The following GREB1L variants were observed in gnomAD, a reference collection of about 807,000 sequenced individuals.
GREB1L encodes GREB1 like retinoic acid receptor coactivator.
A neutral mutation model predicts 200.8 loss-of-function variants in GREB1L; 17 were observed. The ratio of observed to expected loss-of-function variants is 0.08; its 90% CI spans 0.06 to 0.13. GREB1L has a LOEUF of 0.13. GREB1L is among the 10% of genes least tolerant of loss of function. The probability of loss-of-function intolerance (pLI) is 1.00; values close to 1 mark genes in which losing one functional copy is unlikely to be tolerated. For missense variants in GREB1L, 1,657 were observed against 2,367.7 expected (o/e 0.70, Z 6.23); for synonymous variants, 789 against 893.0 (o/e 0.88, Z 2.08).
chr18:21,455,856 A>G (rs1182216073), intron 15 of GREB1L, among the ~76,000 whole-genome samples: 1 of 144,414 alleles, frequency 6.9e-6, no homozygotes. Context: ...TGCAGATTCC[A>G]CTTCAGTGAG....
chr18:21,516,500 T>A (rs1041374305), intron 29 of GREB1L, 113 bp from the exon 30 acceptor site: 2 of 1,032,420 alleles, frequency 1.9e-6, no homozygotes, highest in Admixed American at 2.6e-5. Flanking sequence ...CACAAAAGCA[T>A]GGTTGATTAT....
chr18:21,338,095 CTT>C (rs1311470499), intron 1 of GREB1L, among the ~76,000 whole-genome samples: 1 of 152,200 alleles, frequency 6.6e-6, no homozygotes, highest in Non-Finnish European at 1.5e-5. Flanking sequence ...TGATCTCTCT[CTT>C]AATCCAAATA....
intron 2 of GREB1L, among the ~76,000 whole-genome samples, chr18:21,381,154 A>C (rs1258239147): frequency 2.6e-5 from 4 of 152,190 alleles, no homozygotes; most frequent in African/African-American, 9.6e-5. Context: ...AGGCAGGAGA[A>C]TGGCGTGAAC....
At chr18:21,471,577 A>G (rs1234646490) in intron 15 of GREB1L, among the ~76,000 whole-genome samples, 1 of 151,946 alleles carries the variant, frequency 6.6e-6, no homozygotes, top group Non-Finnish European at 1.5e-5. Flanking sequence ...TGATCAATAA[A>G]TAGCTATCGA....
In GREB1L at chr18:21,336,046, A is replaced by G. The variant is rs72881359; in HGVS notation, c.-119-29981A>G. On this transcript the variant is annotated intron_variant, in intron 1 of 32. Coordinates refer to ENST00000424526, the MANE Select transcript of GREB1L (RefSeq NM_001142966.3). ...GAGGATGCTAGATGAGCAAGGCTGC[A>G]CTGACGTTCTATCTTGGTCTCCTCT... Among the ~76,000 whole-genome samples the G allele has an allele frequency of 8.6e-3, 1,312 of 152,306 alleles. 10 individuals are homozygous for G. Among genetic ancestry groups the G allele is most frequent in the Non-Finnish European group, 0.013 (904 of 68,018 alleles).
chr18:21,508,733 A>AG, intron 27 of GREB1L, 142 bp downstream of exon 27: 1 of 733,686 alleles, frequency 1.4e-6, no homozygotes, highest in Non-Finnish European at 2.2e-6. Flanking sequence ...AAAAAAAAAA[A>AG]GCTTTTTGAC....
chr18:21,301,885 G>A (rs994680142), intron 1 of GREB1L, among the ~76,000 whole-genome samples: 63 of 152,160 alleles, frequency 4.1e-4, no homozygotes, highest in African/African-American at 1.4e-3. Context: ...TTTGGCCTGC[G>A]TTTGCATGAT....
At chr18:21,459,564 G>A (rs1453059395) in intron 15 of GREB1L, among the ~76,000 whole-genome samples, 4 of 151,852 alleles carry the variant, frequency 2.6e-5, no homozygotes, top group Non-Finnish European at 5.9e-5. Flanking sequence ...TGGGATTACA[G>A]GAGTGAGCCA....
rs1298836284 is a variant in GREB1L, at chr18:21,522,952, A to G, written c.*131A>G. 1.2e-6 allele frequency: 1 copy of G among 808,620 alleles called. No homozygotes were observed. Among genetic ancestry groups the G allele is most frequent in the Non-Finnish European group, 1.9e-6 (1 of 535,726 alleles). The allele number at this position is 808,620 out of a possible 1,614,324, so 50.1% of individuals were successfully genotyped here. A position where few individuals can be genotyped will look rare whatever the true frequency, so the allele number is the denominator to read the frequency against. On this transcript the variant is annotated 3_prime_UTR_variant, in exon 33 of 33. Coordinates refer to ENST00000424526, the MANE Select transcript of GREB1L (RefSeq NM_001142966.3). The stretch of plus-strand genomic sequence containing the variant: ...TGCAACATATTTGTCTAAATTCTCC[A>G]AAGAACTCCCCAAATCTGATCCAGG...
intron 7 of GREB1L, among the ~76,000 whole-genome samples, chr18:21,412,804 T>C (rs1236791818): frequency 6.6e-6 from 1 of 152,046 alleles, no homozygotes; most frequent in African/African-American, 2.4e-5. Flanking sequence ...TTCTGTATTA[T>C]GATACATCTC....
chr18:21,431,527 A>G (rs2033152654), intron 7 of GREB1L, among the ~76,000 whole-genome samples: 1 of 152,148 alleles, frequency 6.6e-6, no homozygotes, highest in African/African-American at 2.4e-5. Flanking sequence ...GGCTTGTTTT[A>G]TGGCCTAACA....
rs60030834 is a variant in GREB1L at position 21,259,666 on chromosome 18, A to G, written c.-120+17273A>G. ...ATTACAAAAGAATTCAATTGAACTT[A>G]TATCAAATGGAATTTTATGCCCATT... On this transcript the variant is annotated intron_variant, in intron 1 of 32. Coordinates refer to ENST00000424526, the MANE Select transcript of GREB1L (RefSeq NM_001142966.3). Among the ~76,000 whole-genome samples the G allele has an allele frequency of 7.5e-3, 1,149 of 152,228 alleles. 19 individuals carry two copies. The highest frequency in any genetic ancestry group is 0.027 in the African/African-American group (1,107 of 41,568).
intron 27 of GREB1L, 140 bp downstream of exon 27, chr18:21,508,731 A>AG: frequency 1.3e-6 from 1 of 750,070 alleles, no homozygotes; most frequent in East Asian, 2.7e-5. Flanking sequence ...AAAAAAAAAA[A>AG]AAGCTTTTTG....
intron 1 of GREB1L, among the ~76,000 whole-genome samples, chr18:21,248,207 A>G (rs1300007160): frequency 6.6e-6 from 1 of 152,148 alleles, no homozygotes; most frequent in African/African-American, 2.4e-5. Context: ...TTGTAAAGTA[A>G]TAGAGGTGAT....
Position 21,525,427 on chromosome 18 carries a change from AT to A in GREB1L, c.*2612del, listed in dbSNP as rs988391127. 1 of 151,484 alleles carries A rather than the reference AT, an allele frequency of 6.6e-6. No homozygotes were observed. Among genetic ancestry groups the A allele is most frequent in the African/African-American group, 2.4e-5 (1 of 41,190 alleles). The allele number at this position is 151,484 out of a possible 1,614,324, so 9.4% of individuals were successfully genotyped here. A position where few individuals can be genotyped will look rare whatever the true frequency, so the allele number is the denominator to read the frequency against. ...TATCTCCCACCCCCTCCAAAAAGTTATTTTTTCTTTATAGTTTTCTGGCATG... is the reference window on the plus strand; with the variant it reads ...TATCTCCCACCCCCTCCAAAAAGTTATTTTTCTTTATAGTTTTCTGGCATG... On this transcript the variant is annotated 3_prime_UTR_variant, in exon 33 of 33. Coordinates refer to ENST00000424526, the MANE Select transcript of GREB1L (RefSeq NM_001142966.3).
At chr18:21,322,572 T>A (rs6508335) in intron 1 of GREB1L, among the ~76,000 whole-genome samples, 23,971 of 152,102 alleles carry the variant, frequency 0.16, 4,212 homozygotes, top group African/African-American at 0.43. Flanking sequence ...ATTGATTCTC[T>A]AGTTCATATA....
intron 1 of GREB1L, among the ~76,000 whole-genome samples, chr18:21,298,032 G>A (rs2038557690): frequency 6.6e-6 from 1 of 152,108 alleles, no homozygotes; most frequent in African/African-American, 2.4e-5. Flanking sequence ...GTCCAAGTAT[G>A]AAAGGCTTGC....
rs2033778399 is a variant in GREB1L at position 21,439,598 on chromosome 18, T to C, written c.910T>C (p.Ser304Pro). The change falls in exon 8 of 33, where the codon TCT (serine) becomes CCT (proline). Residue 304 changes from serine to proline, a missense_variant. Transcript: ENST00000424526. ...CACTCCAGCCCACACAGGGAATTAC[T>C]CTTTGTCACCACGACCTAGCTATGC... ...SSTPAHTGNY[S>P]LSPRPSYASG... The C allele has an allele frequency of 1.9e-6, 3 of 1,551,814 alleles. No individual in the cohort carries two copies. Among genetic ancestry groups the C allele is most frequent in the Non-Finnish European group, 2.6e-6 (3 of 1,146,660 alleles).
rs188365955 is a variant in GREB1L, at chr18:21,275,057, C to T, written c.-120+32664C>T. Among the ~76,000 whole-genome samples the T allele has an allele frequency of 2.2e-4, 33 of 152,084 alleles. No individual in the cohort carries two copies. The South Asian group carries it at 2.9e-3, about 13-fold the overall frequency. On this transcript the variant is annotated intron_variant, in intron 1 of 32. Coordinates refer to ENST00000424526, the MANE Select transcript of GREB1L (RefSeq NM_001142966.3). ...GAGATCGAGACCATCCTGGCTAACA[C>T]GGTGAAACCCCATCTCTACTAAAAA... is the stretch of plus-strand genomic sequence containing the variant.
Sources: gnomAD v4.1 joint callset for allele counts (sites outside exome capture counted in the v4.1 genomes callset) on GRCh38, gnomAD v4.1.1 for gene constraint, MANE v1.5 for transcripts, NCBI Gene and HGNC (gene_info 2026-07-23, HGNC 2026-07-21) for gene names.